CXXC4: variants seen among roughly 807,000 people sequenced by gnomAD.
CXXC4 encodes CXXC-type zinc finger protein 4.
A neutral mutation model predicts 20.5 loss-of-function variants in CXXC4; 5 were observed. That is an observed-to-expected ratio of 0.24 (90% CI 0.13 to 0.51). The LOEUF is 0.51. CXXC4 is among the 20% of genes least tolerant of loss of function. The pLI is 0.97. For missense variants in CXXC4, 419 were observed against 496.4 expected (o/e 0.84, Z 1.48); for synonymous variants, 250 against 216.4 (o/e 1.16, Z -1.36).
intron 2 of CXXC4, among the ~76,000 whole-genome samples, chr4:104,478,360 G>T (rs1366444736): frequency 6.6e-6 from 1 of 152,114 alleles, no homozygotes; most frequent in Non-Finnish European, 1.5e-5. Context: ...AAGTCCATAT[G>T]GTGATAAAGC....
chr4:104,468,352 A>G lies in CXXC4; in HGVS notation c.*3970T>C, dbSNP rs1736173917. The G allele has an allele frequency of 1.3e-5, 2 of 151,370 alleles. No individual in the cohort carries two copies. 9.4% of individuals were successfully genotyped at this position (151,370 alleles called of 1,614,324 possible). A position where few individuals can be genotyped will look rare whatever the true frequency, so the allele number is the denominator to read the frequency against. On this transcript the variant is annotated 3_prime_UTR_variant, in exon 3 of 3. Transcript: ENST00000394767. ...TTATTCAACAACACAGAAATTTCAC[A>G]AAAACAACTTTACTGGGCAAATTGA...
At chr4:104,472,493 C>A in intron 2 of CXXC4, 127 bp from the exon 3 acceptor site, 3 of 530,622 alleles carry the variant, frequency 5.7e-6, no homozygotes, top group South Asian at 3.7e-5. Flanking sequence ...TTGTATATTT[C>A]AACATTTAAT....
intron 2 of CXXC4, among the ~76,000 whole-genome samples, chr4:104,478,364 A>G (rs1385628475): frequency 6.6e-6 from 1 of 152,178 alleles, no homozygotes; most frequent in Non-Finnish European, 1.5e-5. Flanking sequence ...CCATATGGTG[A>G]TAAAGCCTGT....
rs1400078349 is a variant in CXXC4, at chr4:104,468,615, A to G, written c.*3707T>C. On this transcript the variant is annotated 3_prime_UTR_variant, in exon 3 of 3. Transcript: ENST00000394767. ...ATGTTCCTGAAATATCTGTTTTGCA[A>G]TTGTGAAAATGGAATCCCTCCTAAT... is the stretch of plus-strand genomic sequence containing the variant. The G allele has an allele frequency of 2.0e-5, 3 of 151,760 alleles. No homozygotes were observed. Among genetic ancestry groups the G allele is most frequent in the Non-Finnish European group, 4.4e-5 (3 of 67,874 alleles). The allele number at this position is 151,760 out of a possible 1,614,324, so 9.4% of individuals were successfully genotyped here. A position where few individuals can be genotyped will look rare whatever the true frequency, so the allele number is the denominator to read the frequency against.
Position 104,472,305 on chromosome 4 carries a change from TAAG to T in CXXC4, c.*14_*16del. On this transcript the variant is annotated 3_prime_UTR_variant, in exon 3 of 3. Transcript: ENST00000394767. ...CCTTCATTTCCAAATGCCTTGAAAA[TAAG>T]ATATACTACTGCTTTAAAAGAACCA... The T allele has an allele frequency of 6.4e-7, 1 of 1,569,916 alleles. No homozygotes were observed. Among genetic ancestry groups the T allele is most frequent in the Non-Finnish European group, 8.7e-7 (1 of 1,151,718 alleles).
chr4:104,487,020 A>C (rs899986579), intron 2 of CXXC4, among the ~76,000 whole-genome samples: 2 of 152,180 alleles, frequency 1.3e-5, no homozygotes, highest in African/African-American at 4.8e-5. Context: ...TTTTTCTGCC[A>C]ACCCCCTTAG....
chr4:104,476,637 A>G (rs998962881), intron 2 of CXXC4, among the ~76,000 whole-genome samples: 3 of 150,538 alleles, frequency 2.0e-5, no homozygotes, highest in South Asian at 2.1e-4. Flanking sequence ...CATGATTATG[A>G]TACTAGAAAT....
At chr4:104,488,913 C>T (rs1306087788) in intron 2 of CXXC4, among the ~76,000 whole-genome samples, 3 of 151,994 alleles carry the variant, frequency 2.0e-5, no homozygotes, top group Non-Finnish European at 1.5e-5. Context: ...AAAGATGAGG[C>T]CTAACAGCAG....
At chr4:104,484,577 G>C (rs1736636163) in intron 2 of CXXC4, among the ~76,000 whole-genome samples, 1 of 151,920 alleles carries the variant, frequency 6.6e-6, no homozygotes. Context: ...TTAAGAAAGA[G>C]GAAACCAAAA....
rs1489812333 is a variant in CXXC4 at position 104,469,063 on chromosome 4, C to G, written c.*3259G>C. ...AATTGAGTGTTGGGAATTAAGCAACCAGGAGACATTTTTATATACTCCTAC... is the reference window on the plus strand; with the variant it reads ...AATTGAGTGTTGGGAATTAAGCAACGAGGAGACATTTTTATATACTCCTAC... On this transcript the variant is annotated 3_prime_UTR_variant, in exon 3 of 3. Coordinates refer to ENST00000394767, the MANE Select transcript of CXXC4 (RefSeq NM_025212.4). 1.3e-5 allele frequency: 2 copies of G among 151,892 alleles called. No homozygotes were observed. Among genetic ancestry groups the G allele is most frequent in the African/African-American group, 4.8e-5 (2 of 41,346 alleles). 9.4% of individuals were successfully genotyped at this position (151,892 alleles called of 1,614,324 possible).
intron 2 of CXXC4, among the ~76,000 whole-genome samples, chr4:104,472,746 G>T (rs968634915): frequency 6.6e-6 from 1 of 151,878 alleles, no homozygotes; most frequent in South Asian, 2.1e-4. Flanking sequence ...ATTTTGAGTG[G>T]ATCATCTTAC....
At chr4:104,488,295 C>T (rs1028017803) in intron 2 of CXXC4, among the ~76,000 whole-genome samples, 4 of 152,144 alleles carry the variant, frequency 2.6e-5, no homozygotes, top group Non-Finnish European at 5.9e-5. Flanking sequence ...GACTTTTCAC[C>T]TTCCTGCAAT....
chr4:104,479,560 ACT>A (rs1247012026), intron 2 of CXXC4, among the ~76,000 whole-genome samples: 1 of 152,060 alleles, frequency 6.6e-6, no homozygotes, highest in African/African-American at 2.4e-5. Flanking sequence ...ACTGGGAGAG[ACT>A]CAGCCTAAAA....
chr4:104,486,519 T>G (rs1392727412), intron 2 of CXXC4, among the ~76,000 whole-genome samples: 2 of 152,074 alleles, frequency 1.3e-5, no homozygotes, highest in Non-Finnish European at 2.9e-5. Context: ...TGTTTAAATT[T>G]TATTGAAAAA....
intron 2 of CXXC4, among the ~76,000 whole-genome samples, chr4:104,486,894 T>C (rs187670287): frequency 1.3e-5 from 2 of 152,312 alleles, no homozygotes; most frequent in Admixed American, 6.5e-5. Flanking sequence ...TCCAGAGTTT[T>C]ACAATTGCCA....
intron 2 of CXXC4, among the ~76,000 whole-genome samples, chr4:104,476,972 T>C (rs759021987): frequency 2.3e-4 from 35 of 152,136 alleles, no homozygotes; most frequent in Non-Finnish European, 7.4e-5. Context: ...CTGTATAACC[T>C]TTTGAAATAT....
chr4:104,472,035 C>A lies in CXXC4; in HGVS notation c.*287G>T, dbSNP rs1736288660. 3.8e-6 allele frequency: 1 copy of A among 264,544 alleles called. No homozygotes were observed. Among genetic ancestry groups the A allele is most frequent in the Non-Finnish European group, 7.1e-6 (1 of 141,796 alleles). 16.4% of individuals were successfully genotyped at this position (264,544 alleles called of 1,614,324 possible). A position where few individuals can be genotyped will look rare whatever the true frequency, so the allele number is the denominator to read the frequency against. On this transcript the variant is annotated 3_prime_UTR_variant, in exon 3 of 3. Transcript: ENST00000394767. ...GTTTACCCAAACTTATTTTTTACAG[C>A]CACTTTCAAAATAGACAACAACTTC...
chr4:104,481,223 T>A (rs1291080588), intron 2 of CXXC4, among the ~76,000 whole-genome samples: 1 of 152,098 alleles, frequency 6.6e-6, no homozygotes, highest in Non-Finnish European at 1.5e-5. Flanking sequence ...TTTCGTGGGC[T>A]GAAAATTAAA....
intron 2 of CXXC4, among the ~76,000 whole-genome samples, chr4:104,472,761 AG>A (rs1736307781): frequency 6.6e-6 from 1 of 152,006 alleles, no homozygotes; most frequent in Admixed American, 6.6e-5. Flanking sequence ...TCTTACCGTC[AG>A]GATAACATAC....
Sources: allele counts gnomAD v4.1 joint callset (sites outside exome capture counted in the v4.1 genomes callset), GRCh38; gene constraint gnomAD v4.1.1; transcripts MANE v1.5; gene names NCBI Gene and HGNC (gene_info 2026-07-23, HGNC 2026-07-21).